The following EXOSC7 variants were observed in gnomAD, a reference collection of about 807,000 sequenced individuals.
The protein encoded by EXOSC7 is exosome complex component RRP42.
In EXOSC7, 25 loss-of-function variants were observed where a neutral mutation model predicts 34.3. The ratio of observed to expected loss-of-function variants is 0.73; its 90% CI spans 0.53 to 1.02. The LOEUF is 1.02. Ranked by LOEUF, EXOSC7 falls within the 50% of genes least tolerant of loss-of-function variation. EXOSC7 has a pLI of 0.00. For missense variants in EXOSC7, 370 were observed against 368.5 expected, an observed-to-expected ratio of 1.00 and a Z score of -0.03; for synonymous variants, 130 against 143.0, an observed-to-expected ratio of 0.91 and a Z score of 0.65.
At chr3:45,000,854 C>T (rs185865995) in intron 4 of EXOSC7, among the ~76,000 whole-genome samples, 3 of 152,190 alleles carry the variant, frequency 2.0e-5, no homozygotes, top group Non-Finnish European at 4.4e-5. Context: ...GTGATCAGTC[C>T]CACCTTCAGG....
chr3:45,011,376 A>C lies in EXOSC7; in HGVS notation c.*37A>C. 7.5e-7 allele frequency: 1 copy of C among 1,342,248 alleles called. No individual in the cohort carries two copies. Among genetic ancestry groups the C allele is most frequent in the South Asian group, 1.2e-5 (1 of 80,528 alleles). The allele number at this position is 1,342,248 out of a possible 1,614,324, so 83.1% of individuals were successfully genotyped here. On this transcript the variant is annotated 3_prime_UTR_variant, in exon 8 of 8. Transcript: ENST00000265564. ...ACTGCTCAACTGTGGATTGTTTTTTACTTTTCCTTTTAAACCGGTTCGTAT... is the reference window on the plus strand; with the variant it reads ...ACTGCTCAACTGTGGATTGTTTTTTCCTTTTCCTTTTAAACCGGTTCGTAT...
Position 44,997,251 on chromosome 3 carries a change from TG to T in EXOSC7, c.420+1del, listed in dbSNP as rs1157617831. 6.2e-7 allele frequency: 1 copy of T among 1,613,686 alleles called. No individual in the cohort carries two copies. The highest frequency in any genetic ancestry group is 1.1e-5 in the South Asian group (1 of 91,062). On this transcript the variant is annotated frameshift_variant and splice_region_variant, in exon 4 of 8. Transcript: ENST00000265564. LOFTEE classifies it high-confidence loss of function. The part of the protein sequence containing the change: ...EHCWVLYVDV[L>X]LLECGGNLFD... ...TGCTGGGTTCTCTATGTGGATGTGC[TG>T]GTGAGTATCATCGTGCTGTACTGGC... is the stretch of plus-strand genomic sequence containing the variant.
At chr3:45,000,175 T>C (rs1706835768) in intron 4 of EXOSC7, among the ~76,000 whole-genome samples, 2 of 152,234 alleles carry the variant, frequency 1.3e-5, no homozygotes, top group Non-Finnish European at 2.9e-5. Flanking sequence ...GGGAAACCTG[T>C]TAGAACTTTG....
intron 2 of EXOSC7, 139 bp downstream of exon 2, chr3:44,989,380 G>A: frequency 1.2e-6 from 1 of 819,496 alleles, no homozygotes; most frequent in Non-Finnish European, 2.0e-6. Flanking sequence ...CAGGGAGGGG[G>A]GGTCTATCCA....
intron 1 of EXOSC7, among the ~76,000 whole-genome samples, chr3:44,986,172 C>T (rs988294895): frequency 1.2e-4 from 16 of 133,590 alleles, no homozygotes; most frequent in East Asian, 5.4e-4. Context: ...CAGGGGGCAG[C>T]GCTCCTTGGG....
Position 45,005,447 on chromosome 3 carries a change from C to T in EXOSC7, c.615+33C>T, listed in dbSNP as rs1258168518. ...TTGTATTTTATGGTTTTTGTCTTCC[C>T]TGTGGGTGTGGGTCTCCTCTAATCC... On this transcript the variant is annotated intron_variant, in intron 6 of 7. Transcript: ENST00000265564. The T allele has an allele frequency of 3.1e-6, 5 of 1,608,196 alleles. No individual in the cohort carries two copies. The Admixed American group carries it at 8.3e-5, about 27-fold the overall frequency.
At chr3:44,994,807 G>A (rs1706671763) in intron 3 of EXOSC7, among the ~76,000 whole-genome samples, 1 of 151,606 alleles carries the variant, frequency 6.6e-6, no homozygotes, top group South Asian at 2.1e-4. Flanking sequence ...GGGCTCATGA[G>A]TCTCTAAACC....
At position 44,997,087 on chromosome 3, in the gene EXOSC7, T is replaced by A; in HGVS notation, c.255T>A (p.Cys85Ter). 2 of 1,614,092 alleles carry A rather than the reference T, an allele frequency of 1.2e-6. No individual in the cohort carries two copies. The highest frequency in any genetic ancestry group is 1.7e-6 in the Non-Finnish European group (2 of 1,179,970). The change falls in exon 4 of 8, where the codon TGT (cysteine) becomes TGA (stop). Residue 85 changes from cysteine to a stop codon, truncating the protein, a stop_gained and splice_region_variant. Coordinates refer to ENST00000265564, the MANE Select transcript of EXOSC7 (RefSeq NM_015004.4). LOFTEE classifies it high-confidence loss of function. Reference sequence around the variant, plus strand: ...GTTTTTTTGTTTCTGTTTTGTATAGTTCAGCCAGTGCTACCCCTGAATTTG... The same window carrying A: ...GTTTTTTTGTTTCTGTTTTGTATAGATCAGCCAGTGCTACCCCTGAATTTG... ...NEGYLEFFVDCSASATPEFEG... is the reference protein window; with the variant it reads ...NEGYLEFFVD
chr3:45,003,790 C>A (rs912320058), intron 5 of EXOSC7, among the ~76,000 whole-genome samples: 9 of 152,216 alleles, frequency 5.9e-5, no homozygotes, highest in Non-Finnish European at 1.3e-4. Flanking sequence ...TAACCAGCAT[C>A]TTAAAAGAAT....
intron 3 of EXOSC7, among the ~76,000 whole-genome samples, chr3:44,994,161 C>G (rs1426091941): frequency 6.6e-6 from 1 of 151,562 alleles, no homozygotes; most frequent in Non-Finnish European, 1.5e-5. Context: ...AGAATGGAAT[C>G]CATACCTCCT....
chr3:45,006,845 T>C (rs945064665), intron 6 of EXOSC7, among the ~76,000 whole-genome samples: 1 of 48,788 alleles, frequency 2.0e-5, no homozygotes, highest in Non-Finnish European at 3.8e-5. Context: ...CACCTCAGCC[T>C]CCCAAGTAGC....
chr3:44,995,097 C>T (rs1706685018), intron 3 of EXOSC7, among the ~76,000 whole-genome samples: 1 of 152,132 alleles, frequency 6.6e-6, no homozygotes, highest in Non-Finnish European at 1.5e-5. Flanking sequence ...ATTCTTGTGC[C>T]TCAGCCTCCT....
At chr3:45,006,414 T>G (rs1424316751) in intron 6 of EXOSC7, among the ~76,000 whole-genome samples, 1 of 130,280 alleles carries the variant, frequency 7.7e-6, no homozygotes. Flanking sequence ...GTTTTTTTTT[T>G]TTTTTTTTTT....
At chr3:45,005,047 TC>T (rs1158276718) in intron 5 of EXOSC7, 3 of 468,302 alleles carry the variant, frequency 6.4e-6, no homozygotes, top group African/African-American at 3.9e-5. Flanking sequence ...GGATTGAGAT[TC>T]TTTTTTTTCC....
intron 1 of EXOSC7, among the ~76,000 whole-genome samples, chr3:44,983,915 G>C (rs755354106): frequency 1.1e-4 from 17 of 152,048 alleles, no homozygotes; most frequent in Non-Finnish European, 2.1e-4. Context: ...GGTTAGGTTG[G>C]TTTTTTTGGT....
chr3:45,006,404 G>GTTTTTTTTTTTTTTTTTTTTTTTTT (rs545281987), intron 6 of EXOSC7, among the ~76,000 whole-genome samples: 1 of 61,706 alleles, frequency 1.6e-5, no homozygotes, highest in Non-Finnish European at 2.9e-5. Flanking sequence ...TTGTTTATTT[G>GTTTTTTTTTTTTTTTTTTTTTTTTT]TTTTTTTTTT....
intron 6 of EXOSC7, 75 bp from the exon 7 acceptor site, chr3:45,007,345 C>T: frequency 6.6e-7 from 1 of 1,524,704 alleles, no homozygotes. Flanking sequence ...GTAGAGATTC[C>T]CACCACGAGG....
intron 7 of EXOSC7, 72 bp from the exon 8 acceptor site, chr3:45,011,163 G>A (rs1707199851): frequency 5.0e-6 from 4 of 800,930 alleles, no homozygotes; most frequent in South Asian, 2.1e-5. Context: ...CTGGCAGAAA[G>A]GAATGCTTTT....
intron 7 of EXOSC7, among the ~76,000 whole-genome samples, chr3:45,009,660 C>T (rs551709488): frequency 8.3e-4 from 127 of 152,132 alleles, no homozygotes; most frequent in Non-Finnish European, 1.5e-3. Flanking sequence ...GTGATTCTGC[C>T]TCAGCTTCCC....
Sources: allele counts gnomAD v4.1 joint callset (sites outside exome capture counted in the v4.1 genomes callset), GRCh38; gene constraint gnomAD v4.1.1; transcripts MANE v1.5; gene names NCBI Gene and HGNC (gene_info 2026-07-23, HGNC 2026-07-21).